PIGB: variants seen among roughly 807,000 people sequenced by gnomAD.
PIGB encodes the protein phosphatidylinositol glycan anchor biosynthesis class B.
In PIGB, 58 loss-of-function variants were observed where a neutral mutation model predicts 68.4. That is an observed-to-expected ratio of 0.85 (90% CI 0.69 to 1.06). The LOEUF (loss-of-function observed/expected upper bound fraction) is 1.06, where lower values mean the gene tolerates loss of function less well. PIGB is among the 50% of genes least tolerant of loss of function. The probability of loss-of-function intolerance (pLI) is 0.00; values close to 1 mark genes in which losing one functional copy is unlikely to be tolerated. For missense variants in PIGB, 634 were observed against 655.8 expected (o/e 0.97, Z 0.36); for synonymous variants, 219 against 220.5 (o/e 0.99, Z 0.06).
chr15:55,332,625 G>T (rs183422257), intron 5 of PIGB, among the ~76,000 whole-genome samples: 3 of 151,886 alleles, frequency 2.0e-5, no homozygotes, highest in African/African-American at 4.8e-5. Flanking sequence ...CACCCACCTC[G>T]GCCTCCCAAA....
At position 55,340,791 on chromosome 15, in the gene PIGB, GGT is replaced by G. The variant is rs1566955216; in HGVS notation, c.1028_1029del (p.Val343AspfsTer10). ...LAPKRYRILL[V>X]TVLWTLLVYS... The stretch of plus-strand genomic sequence containing the variant: ...CACCAAAGAGATACCGGATACTTTT[GGT>G]GACTGTGCTGTGGACACTGCTTGTT... On this transcript the variant is annotated frameshift_variant, in exon 8 of 12. Coordinates refer to ENST00000164305, the MANE Select transcript of PIGB (RefSeq NM_004855.5). LOFTEE classifies it high-confidence loss of function. 6.2e-7 allele frequency: 1 copy of G among 1,609,452 alleles called. No individual in the cohort carries two copies. The highest frequency in any genetic ancestry group is 8.5e-7 in the Non-Finnish European group (1 of 1,177,566).
At chr15:55,345,592 C>G (rs1008847277) in intron 9 of PIGB, among the ~76,000 whole-genome samples, 1 of 152,132 alleles carries the variant, frequency 6.6e-6, no homozygotes. Context: ...AACCCTGTCT[C>G]TACTAAAAAT....
chr15:55,346,945 C>T (rs189279134), intron 9 of PIGB, among the ~76,000 whole-genome samples: 1 of 152,278 alleles, frequency 6.6e-6, no homozygotes, highest in Non-Finnish European at 1.5e-5. Flanking sequence ...TCTGAAATCC[C>T]CTTTGGAAGC....
At chr15:55,330,759 GC>G (rs2055395458) in intron 5 of PIGB, among the ~76,000 whole-genome samples, 1 of 152,206 alleles carries the variant, frequency 6.6e-6, no homozygotes, top group Admixed American at 6.5e-5. Context: ...AAGGAGAAAA[GC>G]CAGAATTTGG....
chr15:55,335,907 CT>C (rs2055524216), intron 6 of PIGB, among the ~76,000 whole-genome samples: 2 of 152,236 alleles, frequency 1.3e-5, no homozygotes, highest in South Asian at 4.1e-4. Flanking sequence ...GATAGAAAGC[CT>C]TTTTAATCTC....
chr15:55,333,632 T>C (rs917227072), intron 5 of PIGB, among the ~76,000 whole-genome samples: 9 of 152,190 alleles, frequency 5.9e-5, no homozygotes, highest in African/African-American at 2.2e-4. Context: ...CTCGGGATGC[T>C]GAGGCAGGAG....
chr15:55,355,353 C>T lies in PIGB; in HGVS notation c.1586C>T (p.Pro529Leu). The T allele has an allele frequency of 6.2e-7, 1 of 1,610,392 alleles. No homozygotes were observed. ...GCTGTTTTCTTCCACACTCACTTGC[C>T]AGAGGGTCGAATTGGAAGTCACATA... The part of the protein sequence containing the change: ...RTAVFFHTHL[P>L]EGRIGSHIYV... Residue 529 changes from proline (P) to leucine (L), a missense_variant, in exon 12 of 12, where the codon CCA (proline) becomes CTA (leucine). By Grantham distance (98) the Pro-to-Leu change is moderately conservative (BLOSUM62 -3). Coordinates refer to ENST00000164305, the MANE Select transcript of PIGB (RefSeq NM_004855.5).
chr15:55,347,983 CTTTT>C (rs576991463), intron 9 of PIGB, among the ~76,000 whole-genome samples: 1,090 of 93,834 alleles, frequency 0.012, 4 homozygotes, highest in Non-Finnish European at 0.016. Flanking sequence ...GCCATAGTTT[CTTTT>C]TTTTTTTTTT....
chr15:55,320,457 T>C, intron 2 of PIGB, 47 bp downstream of exon 2: 3 of 1,571,870 alleles, frequency 1.9e-6, no homozygotes, highest in African/African-American at 1.4e-5. Flanking sequence ...GTATTCATCT[T>C]GGAAATTGTG....
Position 55,329,630 on chromosome 15 carries a change from A to T in PIGB, c.523-94A>T, listed in dbSNP as rs1259425089. ...TCATCTACCTTTTGATGTCCTTTTCACAATATTTAGACTTGCTTGCTATTT... is the reference window on the plus strand; with the variant it reads ...TCATCTACCTTTTGATGTCCTTTTCTCAATATTTAGACTTGCTTGCTATTT... On this transcript the variant is annotated intron_variant, in intron 4 of 11. Coordinates refer to ENST00000164305, the MANE Select transcript of PIGB (RefSeq NM_004855.5). 51 of 1,016,182 alleles carry T rather than the reference A, an allele frequency of 5.0e-5. 1 individual carries two copies. Among genetic ancestry groups the T allele is most frequent in the Non-Finnish European group, 7.1e-5 (50 of 702,414 alleles). 62.9% of individuals were successfully genotyped at this position (1,016,182 alleles called of 1,614,324 possible). A position where few individuals can be genotyped will look rare whatever the true frequency, so the allele number is the denominator to read the frequency against.
At chr15:55,337,208 A>T (rs1031610656) in intron 6 of PIGB, among the ~76,000 whole-genome samples, 1 of 152,214 alleles carries the variant, frequency 6.6e-6, no homozygotes, top group African/African-American at 2.4e-5. Flanking sequence ...CCAAATGGCT[A>T]AAATGATGTG....
chr15:55,350,654 A>AAAAG, intron 9 of PIGB, 45 bp from the exon 10 acceptor site: 2 of 1,219,386 alleles, frequency 1.6e-6, no homozygotes, highest in Non-Finnish European at 2.4e-6. Context: ...TTAACATAAC[A>AAAAG]AAAGATTGTC....
At chr15:55,324,784 C>A (rs1181654608) in intron 3 of PIGB, 1 of 983,830 alleles carries the variant, frequency 1.0e-6, no homozygotes, top group Non-Finnish European at 1.2e-6. Flanking sequence ...TTTCAGGGGG[C>A]CTGGGAAGTA....
intron 6 of PIGB, among the ~76,000 whole-genome samples, chr15:55,338,914 G>C (rs934431308): frequency 1.3e-5 from 2 of 152,222 alleles, no homozygotes; most frequent in South Asian, 2.1e-4. Context: ...GAGCGACCTC[G>C]AGCCAGAGGC....
At chr15:55,343,426 A>C (rs1461950564) in intron 9 of PIGB, 5 of 152,190 alleles carry the variant, frequency 3.3e-5, no homozygotes, top group African/African-American at 1.2e-4. Flanking sequence ...GCAGAGTACA[A>C]AGGCAAATGT....
At chr15:55,320,134 T>A in intron 1 of PIGB, 141 bp from the exon 2 acceptor site, 1 of 577,762 alleles carries the variant, frequency 1.7e-6, no homozygotes, top group Non-Finnish European at 2.8e-6. Context: ...ACCAACCAAG[T>A]TGGCTTTAAG....
At chr15:55,324,450 G>A (rs767839846) in intron 3 of PIGB, among the ~76,000 whole-genome samples, 5 of 152,126 alleles carry the variant, frequency 3.3e-5, no homozygotes, top group Admixed American at 6.5e-5. Flanking sequence ...ATTGTTATGC[G>A]AAAGTCTACT....
chr15:55,326,728 G>T (rs1304690506), intron 3 of PIGB, among the ~76,000 whole-genome samples: 3 of 151,874 alleles, frequency 2.0e-5, no homozygotes, highest in African/African-American at 7.3e-5. Flanking sequence ...TTAGCCGGGC[G>T]TGGGAGGCTG....
chr15:55,350,775 C>G lies in PIGB; in HGVS notation c.1200C>G (p.Ala400=). The G allele has an allele frequency of 6.2e-7, 1 of 1,613,378 alleles. No individual in the cohort carries two copies. The highest frequency in any genetic ancestry group is 8.5e-7 in the Non-Finnish European group (1 of 1,179,486). Residue 400 remains alanine, a synonymous_variant, in exon 10 of 12, where the codon GCC becomes GCG. Transcript: ENST00000164305. The part of the protein sequence containing the change: ...SFLFLSNLFL[A]LYTGLVHQRG... ...TGTTTTTATCAAATTTGTTCCTCGC[C>G]CTTTATACTGGTTTAGTTCATCAAC... is the stretch of plus-strand genomic sequence containing the variant.
Sources: allele counts gnomAD v4.1 joint callset (sites outside exome capture counted in the v4.1 genomes callset), GRCh38; gene constraint gnomAD v4.1.1; transcripts MANE v1.5; gene names NCBI Gene and HGNC (gene_info 2026-07-23, HGNC 2026-07-21).